Variants in SP4 observed in about 807,000 individuals in gnomAD.
The protein encoded by SP4 is Sp4 transcription factor, also known as transcription factor Sp4.
A neutral mutation model predicts 72.8 loss-of-function variants in SP4; 19 were observed. The observed-to-expected ratio is 0.26, with a 90% CI of 0.18 to 0.38. SP4 has a LOEUF of 0.38. Among genes scored for constraint, SP4 ranks in the 10% least tolerant of loss-of-function variants. The probability of loss-of-function intolerance (pLI) is 1.00; values close to 1 mark genes in which losing one functional copy is unlikely to be tolerated. For missense variants in SP4, 1,008 were observed against 926.3 expected (o/e 1.09, Z -1.14); for synonymous variants, 395 against 333.1 (o/e 1.19, Z -2.02).
chr7:21,432,034 T>C (rs749905124), intron 3 of SP4, among the ~76,000 whole-genome samples: 4 of 152,252 alleles, frequency 2.6e-5, no homozygotes, highest in Non-Finnish European at 5.9e-5. Context: ...AGGCCAGCGC[T>C]ATCCAGCAGA....
chr7:21,466,395 C>T (rs1034341523), intron 3 of SP4, among the ~76,000 whole-genome samples: 5 of 152,124 alleles, frequency 3.3e-5, no homozygotes, highest in African/African-American at 1.2e-4. Flanking sequence ...GAGTGTTTAT[C>T]ATATTCCAGA....
At chr7:21,431,483 T>G (rs927660227) in intron 3 of SP4, among the ~76,000 whole-genome samples, 1 of 152,224 alleles carries the variant, frequency 6.6e-6, no homozygotes, top group Non-Finnish European at 1.5e-5. Context: ...AAAATTATAT[T>G]TAATTAAATC....
At chr7:21,478,184 T>A (rs546402893) in intron 4 of SP4, among the ~76,000 whole-genome samples, 9 of 152,324 alleles carry the variant, frequency 5.9e-5, no homozygotes, top group African/African-American at 2.2e-4. Context: ...CATATTACAG[T>A]ATGATCAATA....
Position 21,428,198 on chromosome 7 carries a change from CCA to C in SP4, c.-52_-51del. 1.8e-6 allele frequency: 2 copies of C among 1,099,416 alleles called. No individual in the cohort carries two copies. Among genetic ancestry groups the C allele is most frequent in the East Asian group, 3.0e-5 (1 of 33,664 alleles). 68.1% of individuals were successfully genotyped at this position (1,099,416 alleles called of 1,614,324 possible). Reference sequence around the variant, plus strand: ...CTCTCCTCCCGCCTCGCCCCCACCCCCACCCACCTCTATCCCAGTGTCTCCGT... The same window carrying C: ...CTCTCCTCCCGCCTCGCCCCCACCCCCCCACCTCTATCCCAGTGTCTCCGT... On this transcript the variant is annotated 5_prime_UTR_variant, in exon 1 of 6. Coordinates refer to ENST00000222584, the MANE Select transcript of SP4 (RefSeq NM_003112.5).
intron 3 of SP4, among the ~76,000 whole-genome samples, chr7:21,447,904 G>C (rs1003840863): frequency 2.0e-5 from 3 of 152,156 alleles, no homozygotes; most frequent in African/African-American, 7.2e-5. Context: ...GCCTGGGCTT[G>C]AATTCCTGAC....
chr7:21,435,418 AATTTAT>A (rs560038279), intron 3 of SP4, among the ~76,000 whole-genome samples: 25 of 152,266 alleles, frequency 1.6e-4, no homozygotes, highest in Non-Finnish European at 3.5e-4. Flanking sequence ...AAATAATTAA[AATTTAT>A]ATTTAATTTT....
chr7:21,462,055 A>C (rs929101759), intron 3 of SP4, among the ~76,000 whole-genome samples: 2 of 133,204 alleles, frequency 1.5e-5, no homozygotes, highest in African/African-American at 5.7e-5. Flanking sequence ...TGAAGACAGG[A>C]TCTCACTCTG....
rs1453860325 is a variant in SP4 at position 21,512,243 on chromosome 7, G to C, written c.*974G>C. On this transcript the variant is annotated 3_prime_UTR_variant, in exon 6 of 6. Transcript: ENST00000222584. ...TTTATGCTTTGATGTGGTAGCCAAA[G>C]AAAGAATTACACTTTTTTCCAAGGC... 1 of 152,676 alleles carries C rather than the reference G, an allele frequency of 6.5e-6. No homozygotes were observed. Among genetic ancestry groups the C allele is most frequent in the East Asian group, 1.9e-4 (1 of 5,168 alleles). The allele number at this position is 152,676 out of a possible 1,614,324, so 9.5% of individuals were successfully genotyped here. A position where few individuals can be genotyped will look rare whatever the true frequency, so the allele number is the denominator to read the frequency against.
chr7:21,477,599 C>T lies in SP4; in HGVS notation c.1907+292C>T, dbSNP rs996069634. ...CTGCCTAGGCTGGAGTGCAGTGGTG[C>T]AATCTCAGCTCACTGCAATCTCTGC... On this transcript the variant is annotated intron_variant, in intron 4 of 5. Transcript: ENST00000222584. Among the ~76,000 whole-genome samples, 44 of 147,422 alleles carry T rather than the reference C, an allele frequency of 3.0e-4. 1 individual carries two copies. The highest frequency in any genetic ancestry group is 1.1e-3 in the African/African-American group (43 of 40,026).
chr7:21,478,541 C>A (rs749483925), intron 4 of SP4, among the ~76,000 whole-genome samples: 1 of 152,158 alleles, frequency 6.6e-6, no homozygotes, highest in Non-Finnish European at 1.5e-5. Flanking sequence ...TTGTCATTAT[C>A]TGACTTTATG....
chr7:21,501,226 A>G (rs986840439), intron 5 of SP4, among the ~76,000 whole-genome samples: 3 of 151,838 alleles, frequency 2.0e-5, no homozygotes, highest in African/African-American at 7.3e-5. Context: ...CTGTTTGCTC[A>G]TTGTGACCTT....
At chr7:21,503,147 C>T (rs1382357138) in intron 5 of SP4, among the ~76,000 whole-genome samples, 1 of 152,100 alleles carries the variant, frequency 6.6e-6, no homozygotes, top group Non-Finnish European at 1.5e-5. Context: ...AGTTACCAGG[C>T]TGAAAGTGGT....
chr7:21,470,241 G>C (rs1784293862), intron 3 of SP4, among the ~76,000 whole-genome samples: 1 of 152,210 alleles, frequency 6.6e-6, no homozygotes, highest in African/African-American at 2.4e-5. Flanking sequence ...TACTTTCAGT[G>C]TGTCAGGAAC....
chr7:21,447,100 A>G (rs1032003668), intron 3 of SP4, among the ~76,000 whole-genome samples: 2 of 152,220 alleles, frequency 1.3e-5, no homozygotes, highest in African/African-American at 4.8e-5. Context: ...TCATCTGACT[A>G]TTCAGAATGC....
intron 5 of SP4, among the ~76,000 whole-genome samples, chr7:21,500,572 C>A (rs1368137056): frequency 6.6e-6 from 1 of 152,162 alleles, no homozygotes. Context: ...CAGCTAAATT[C>A]AGTTCCTTTC....
At chr7:21,457,405 G>A (rs753925644) in intron 3 of SP4, among the ~76,000 whole-genome samples, 1 of 152,076 alleles carries the variant, frequency 6.6e-6, no homozygotes, top group Non-Finnish European at 1.5e-5. Context: ...GCTTCCTCCA[G>A]TGTATAGATT....
At chr7:21,456,029 A>T (rs192853332) in intron 3 of SP4, among the ~76,000 whole-genome samples, 1 of 152,236 alleles carries the variant, frequency 6.6e-6, no homozygotes, top group African/African-American at 2.4e-5. Flanking sequence ...CTACAGGAGG[A>T]AGTGGGAAGA....
chr7:21,491,663 A>T (rs576215353), intron 5 of SP4, among the ~76,000 whole-genome samples: 1 of 152,244 alleles, frequency 6.6e-6, no homozygotes, highest in East Asian at 1.9e-4. Flanking sequence ...AGGACACATT[A>T]TATACCGGGG....
chr7:21,436,135 G>GAACTCT (rs1783044014), intron 3 of SP4, among the ~76,000 whole-genome samples: 1 of 152,172 alleles, frequency 6.6e-6, no homozygotes, highest in Admixed American at 6.6e-5. Flanking sequence ...TTGACCTCAG[G>GAACTCT]TGATCTCCCC....
Sources: allele counts gnomAD v4.1 joint callset (sites outside exome capture counted in the v4.1 genomes callset), GRCh38; gene constraint gnomAD v4.1.1; transcripts MANE v1.5; gene names NCBI Gene and HGNC (gene_info 2026-07-23, HGNC 2026-07-21).